The following ALK variants were observed in gnomAD, a reference collection of about 807,000 sequenced individuals.
The protein encoded by ALK is ALK receptor tyrosine kinase.
A neutral mutation model predicts 163.1 loss-of-function variants in ALK; 74 were observed. The ratio of observed to expected loss-of-function variants is 0.45; its 90% CI spans 0.38 to 0.55. The LOEUF (loss-of-function observed/expected upper bound fraction) is 0.55, where lower values mean the gene tolerates loss of function less well. Among genes scored for constraint, ALK ranks in the 20% least tolerant of loss-of-function variants. The probability of loss-of-function intolerance (pLI) is 0.00; values close to 1 mark genes in which losing one functional copy is unlikely to be tolerated. For missense variants in ALK, 2,063 were observed against 2,105.3 expected, an observed-to-expected ratio of 0.98 and a Z score of 0.39; for synonymous variants, 960 against 843.2, an observed-to-expected ratio of 1.14 and a Z score of -2.40.
intron 1 of ALK, among the ~76,000 whole-genome samples, chr2:29,912,416 A>C (rs905853612): frequency 6.6e-6 from 1 of 152,202 alleles, no homozygotes; most frequent in African/African-American, 2.4e-5. Context: ...ACAGGAACAA[A>C]ATAGTTAAAG....
chr2:29,881,864 C>G (rs1022190809), intron 1 of ALK, among the ~76,000 whole-genome samples: 3 of 152,032 alleles, frequency 2.0e-5, no homozygotes, highest in African/African-American at 7.2e-5. Context: ...CATTTTAAAC[C>G]TCAAATTTTC....
intron 1 of ALK, among the ~76,000 whole-genome samples, chr2:29,727,750 T>C (rs941490584): frequency 2.6e-5 from 4 of 152,236 alleles, no homozygotes; most frequent in Non-Finnish European, 5.9e-5. Context: ...AACAGCCTGA[T>C]TGGCTTCATC....
At chr2:29,239,659 A>G (rs1308023210) in intron 13 of ALK, 21 bp downstream of exon 13, 2 of 1,612,954 alleles carry the variant, frequency 1.2e-6, no homozygotes, top group South Asian at 1.1e-5. Context: ...CAGACGAGAA[A>G]CCCCTGCTCT....
intron 3 of ALK, among the ~76,000 whole-genome samples, chr2:29,567,156 A>ATCTT (rs1281036615): frequency 4.6e-5 from 7 of 152,224 alleles, no homozygotes; most frequent in Non-Finnish European, 7.3e-5. Flanking sequence ...GATCTTTAAG[A>ATCTT]AAAGCCAGCT....
Position 29,694,880 on chromosome 2 carries a change from C to G in ALK, c.922G>C (p.Gly308Arg), listed in dbSNP as rs1553348499. 1.2e-6 allele frequency: 2 copies of G among 1,614,036 alleles called. No homozygotes were observed. The highest frequency in any genetic ancestry group is 1.7e-6 in the Non-Finnish European group (2 of 1,179,974). ...GGCATCTCCTTAGAACGCTCTGCCC[C>G]AGGCCCATCCAGCAAGTCCATCTGG... ...ASQMDLLDGP[G>R]AERSKEMPRG... Residue 308 changes from glycine (G) to arginine (R), a missense_variant, in exon 3 of 29, where the codon GGG (glycine) becomes CGG (arginine). Physicochemically the swap from Gly to Arg is moderately radical, Grantham distance 125 (BLOSUM62 -2). Transcript: ENST00000389048.
intron 3 of ALK, among the ~76,000 whole-genome samples, chr2:29,662,054 C>G (rs533468138): frequency 6.6e-6 from 1 of 152,016 alleles, no homozygotes; most frequent in African/African-American, 2.4e-5. Flanking sequence ...GTACTACAGG[C>G]GTACACTGCC....
At chr2:29,384,456 A>G (rs1419342061) in intron 4 of ALK, among the ~76,000 whole-genome samples, 1 of 152,198 alleles carries the variant, frequency 6.6e-6, no homozygotes, top group African/African-American at 2.4e-5. Flanking sequence ...GTGCCAACAG[A>G]AAAAGATGGA....
At chr2:29,288,721 C>T (rs960607418) in intron 9 of ALK, among the ~76,000 whole-genome samples, 9 of 152,078 alleles carry the variant, frequency 5.9e-5, no homozygotes, top group East Asian at 3.9e-4. Flanking sequence ...GAGGCTGAGG[C>T]GGGCAGATCA....
Position 29,694,927 on chromosome 2 carries a change from C to T in ALK, c.875G>A (p.Arg292His), listed in dbSNP as rs149145987. ...CTGGGAGGCCTCCTCGGAGGGGATG[C>T]GGCGCCAGGACCAGCTCTGGTTCCT... ...DLRNQSWSWRRIPSEEASQMD... is the reference protein window; with the variant it reads ...DLRNQSWSWRHIPSEEASQMD... Residue 292 changes from arginine (R) to histidine (H), a missense_variant, in exon 3 of 29, where the codon CGC (arginine) becomes CAC (histidine). By Grantham distance (29) the Arg-to-His change is conservative. This residue lies in a region of ALK where 987 missense variants were observed against 939.5 expected (regional missense o/e 1.05). Coordinates refer to ENST00000389048, the MANE Select transcript of ALK (RefSeq NM_004304.5). 2.6e-5 allele frequency: 42 copies of T among 1,614,092 alleles called. No homozygotes were observed. The highest frequency in any genetic ancestry group is 1.7e-4 in the Admixed American group (10 of 60,022).
At chr2:29,749,675 C>T (rs955745481) in intron 1 of ALK, among the ~76,000 whole-genome samples, 1 of 152,104 alleles carries the variant, frequency 6.6e-6, no homozygotes, top group Non-Finnish European at 1.5e-5. Flanking sequence ...GGTCATGGCT[C>T]CCCCACAGCC....
chr2:29,583,237 GT>G (rs1674778665), intron 3 of ALK, among the ~76,000 whole-genome samples: 1 of 152,052 alleles, frequency 6.6e-6, no homozygotes, highest in Non-Finnish European at 1.5e-5. Context: ...TGCTTCTGCT[GT>G]TATTTACATA....
intron 1 of ALK, among the ~76,000 whole-genome samples, chr2:29,911,900 G>A (rs937229462): frequency 1.1e-4 from 16 of 152,114 alleles, no homozygotes; most frequent in East Asian, 5.8e-4. Context: ...TAAACACTCT[G>A]GAAAATGAAT....
chr2:29,879,240 A>T (rs568857425), intron 1 of ALK, among the ~76,000 whole-genome samples: 1 of 152,298 alleles, frequency 6.6e-6, no homozygotes, highest in East Asian at 1.9e-4. Flanking sequence ...ATTCTAAAAG[A>T]ATTTGGCTTG....
chr2:29,562,158 C>T (rs947055724), intron 3 of ALK, among the ~76,000 whole-genome samples: 4 of 152,190 alleles, frequency 2.6e-5, no homozygotes, highest in African/African-American at 9.7e-5. Context: ...TGGGTGGGTG[C>T]CGTCTGTGGC....
chr2:29,847,084 C>A (rs997976811), intron 1 of ALK, among the ~76,000 whole-genome samples: 1 of 152,188 alleles, frequency 6.6e-6, no homozygotes, highest in African/African-American at 2.4e-5. Context: ...AGCAAAAACA[C>A]AGAGAGGAAT....
intron 5 of ALK, among the ~76,000 whole-genome samples, chr2:29,374,554 G>A (rs1668710040): frequency 6.6e-6 from 1 of 152,224 alleles, no homozygotes; most frequent in East Asian, 1.9e-4. Context: ...AGAAGTAGAC[G>A]GTTCTAAAAT....
At chr2:29,358,986 A>G (rs1238634038) in intron 5 of ALK, among the ~76,000 whole-genome samples, 3 of 152,158 alleles carry the variant, frequency 2.0e-5, no homozygotes, top group African/African-American at 7.2e-5. Flanking sequence ...AGAATATTCT[A>G]GGTATATCTA....
intron 1 of ALK, among the ~76,000 whole-genome samples, chr2:29,776,005 C>T (rs891117579): frequency 3.9e-5 from 6 of 152,166 alleles, no homozygotes; most frequent in Non-Finnish European, 8.8e-5. Flanking sequence ...TGGAGAGAGA[C>T]TTTTCTGATT....
chr2:29,776,701 G>A (rs925762724), intron 1 of ALK, among the ~76,000 whole-genome samples: 5 of 152,150 alleles, frequency 3.3e-5, no homozygotes, highest in Admixed American at 6.6e-5. Context: ...GGAGGCTGAG[G>A]TGGGAAGATT....
Sources: allele counts gnomAD v4.1 joint callset (sites outside exome capture counted in the v4.1 genomes callset), GRCh38; gene constraint gnomAD v4.1.1; regional missense constraint gnomAD v4.1.1; transcripts MANE v1.5; gene names NCBI Gene and HGNC (gene_info 2026-07-23, HGNC 2026-07-21).